The following LDLRAD2 variants were observed in gnomAD, a reference collection of about 807,000 sequenced individuals.
The protein encoded by LDLRAD2 is low-density lipoprotein receptor class A domain-containing protein 2.
In LDLRAD2, 25 loss-of-function variants were observed where a neutral mutation model predicts 24.9. The ratio of observed to expected loss-of-function variants is 1.00; its 90% CI spans 0.73 to 1.40. The LOEUF is 1.40. Ranked by LOEUF, LDLRAD2 falls within the 40% of genes most tolerant of loss-of-function variation. The probability of loss-of-function intolerance (pLI) is 0.00; values close to 1 mark genes in which losing one functional copy is unlikely to be tolerated. For missense variants in LDLRAD2, 391 were observed against 366.2 expected, an observed-to-expected ratio of 1.07 and a Z score of -0.55; for synonymous variants, 182 against 166.7, an observed-to-expected ratio of 1.09 and a Z score of -0.71.
At chr1:21,817,814 T>C (rs2097945426) in intron 3 of LDLRAD2, among the ~76,000 whole-genome samples, 2 of 152,156 alleles carry the variant, frequency 1.3e-5, no homozygotes, top group South Asian at 4.1e-4. Context: ...TTTTACCTCA[T>C]GTCCTTTTTC....
In LDLRAD2 at chr1:21,814,431, AGG is replaced by A; in HGVS notation, c.123_124del (p.Asp42ArgfsTer150). 1.9e-6 allele frequency: 3 copies of A among 1,608,620 alleles called. No homozygotes were observed. The highest frequency in any genetic ancestry group is 2.5e-6 in the Non-Finnish European group (3 of 1,177,568). The stretch of plus-strand genomic sequence containing the variant: ...GCGGAACTGTGCGGGCAGACGTGGC[AGG>A]GGGACGGGCTGCTGCTGCGCTCGCA... On this transcript the variant is annotated frameshift_variant, in exon 2 of 5. Coordinates refer to ENST00000344642, the MANE Select transcript of LDLRAD2 (RefSeq NM_001013693.3). LOFTEE classifies it high-confidence loss of function.
intron 1 of LDLRAD2, among the ~76,000 whole-genome samples, chr1:21,813,876 CTTT>C (rs35652739): frequency 6.1e-5 from 9 of 147,980 alleles, no homozygotes; most frequent in Admixed American, 1.3e-4. Flanking sequence ...TCCCCCTCCC[CTTT>C]TTTTTTTTTG....
rs1414991630 is a variant in LDLRAD2 at position 21,821,351 on chromosome 1, G to A, written c.644-99G>A. 6 of 1,488,962 alleles carry A rather than the reference G, an allele frequency of 4.0e-6. No homozygotes were observed. In the East Asian group the frequency reaches 6.9e-5, roughly 17 times the overall value. The allele number at this position is 1,488,962 out of a possible 1,614,324, so 92.2% of individuals were successfully genotyped here. On this transcript the variant is annotated intron_variant, in intron 3 of 4. Coordinates refer to ENST00000344642, the MANE Select transcript of LDLRAD2 (RefSeq NM_001013693.3). Reference sequence around the variant, plus strand: ...CCTCTCTGTAAAATGGAAACACAGAGTGACAAACTCAGGGAAGTCTTGTGA... The same window carrying A: ...CCTCTCTGTAAAATGGAAACACAGAATGACAAACTCAGGGAAGTCTTGTGA...
Position 21,824,796 on chromosome 1 carries a change from G to A in LDLRAD2, c.*2581G>A, listed in dbSNP as rs1373210124. The A allele has an allele frequency of 5.6e-6, 9 of 1,606,102 alleles. No homozygotes were observed. The highest frequency in any genetic ancestry group is 7.7e-6 in the Non-Finnish European group (9 of 1,175,746). On this transcript the variant is annotated 3_prime_UTR_variant, in exon 5 of 5. Coordinates refer to ENST00000344642, the MANE Select transcript of LDLRAD2 (RefSeq NM_001013693.3). This position sits in a 1 kb window ranked among gnomAD's most constrained non-coding sequence, Gnocchi z 5.9. ...CAGGGGCATCTGTGGGAGAGAGGAG[G>A]GTGGTGCCATACCTGCTGCATCAGG...
At chr1:21,817,386 A>G (rs535659268) in intron 3 of LDLRAD2, among the ~76,000 whole-genome samples, 1 of 152,182 alleles carries the variant, frequency 6.6e-6, no homozygotes, top group East Asian at 1.9e-4. Context: ...TCTGTTATCC[A>G]GGCTGGAGTG....
chr1:21,821,986 A>C (rs1221785449), intron 4 of LDLRAD2: 2 of 1,424,960 alleles, frequency 1.4e-6, no homozygotes, highest in Admixed American at 5.7e-5. Flanking sequence ...GCACATGGGA[A>C]TGATACTAGG....
chr1:21,819,914 G>C (rs755987595), intron 3 of LDLRAD2, among the ~76,000 whole-genome samples: 30 of 152,218 alleles, frequency 2.0e-4, no homozygotes, highest in Non-Finnish European at 3.2e-4. Context: ...AATCTTGGCA[G>C]AAGGCGAGGG....
intron 3 of LDLRAD2, among the ~76,000 whole-genome samples, chr1:21,820,052 C>G (rs1225458647): frequency 6.6e-6 from 1 of 152,188 alleles, no homozygotes; most frequent in Non-Finnish European, 1.5e-5. Flanking sequence ...CTAAACTATT[C>G]ATGAGAAATC....
At chr1:21,818,233 A>C (rs961997096) in intron 3 of LDLRAD2, among the ~76,000 whole-genome samples, 3 of 148,210 alleles carry the variant, frequency 2.0e-5, no homozygotes, top group South Asian at 2.2e-4. Flanking sequence ...GCTGGTCTCA[A>C]ACTCCTGACC....
At position 21,823,191 on chromosome 1, in the gene LDLRAD2, C is replaced by A; in HGVS notation, c.*976C>A. The A allele has an allele frequency of 2.1e-6, 2 of 943,408 alleles. No homozygotes were observed. The highest frequency in any genetic ancestry group is 3.0e-6 in the Non-Finnish European group (2 of 672,806). 58.4% of individuals were successfully genotyped at this position (943,408 alleles called of 1,614,324 possible). A position where few individuals can be genotyped will look rare whatever the true frequency, so the allele number is the denominator to read the frequency against. Reference sequence around the variant, plus strand: ...TGCCCACCTCCAGTCCAGCCCAGGGCGGTAGCAGCAAAGCGTGGCATCGCC... The same window carrying A: ...TGCCCACCTCCAGTCCAGCCCAGGGAGGTAGCAGCAAAGCGTGGCATCGCC... On this transcript the variant is annotated 3_prime_UTR_variant, in exon 5 of 5. Coordinates refer to ENST00000344642, the MANE Select transcript of LDLRAD2 (RefSeq NM_001013693.3).
At chr1:21,821,246 A>C (rs72662414) in intron 3 of LDLRAD2, among the ~76,000 whole-genome samples, 1,688 of 152,308 alleles carry the variant, frequency 0.011, 11 homozygotes, top group Non-Finnish European at 0.019. Context: ...CTCCACTCAT[A>C]GACCTTAGGC....
intron 3 of LDLRAD2, among the ~76,000 whole-genome samples, chr1:21,818,626 G>A (rs957510099): frequency 2.0e-5 from 3 of 152,088 alleles, no homozygotes; most frequent in African/African-American, 7.2e-5. Context: ...TTTCTCCACC[G>A]TTACTTTTGG....
chr1:21,821,359 C>T, intron 3 of LDLRAD2, 91 bp from the exon 4 acceptor site: 1 of 1,522,360 alleles, frequency 6.6e-7, no homozygotes, highest in African/African-American at 1.4e-5. Flanking sequence ...GAGTGACAAA[C>T]TCAGGGAAGT....
Position 21,823,806 on chromosome 1 carries a change from G to A in LDLRAD2, c.*1591G>A. ...CAGAGTCCCCTCCCTCTGATATCGA[G>A]ACTCCAGACTCAGAAGTCTGTCCCT... is the stretch of plus-strand genomic sequence containing the variant. On this transcript the variant is annotated 3_prime_UTR_variant, in exon 5 of 5. Coordinates refer to ENST00000344642, the MANE Select transcript of LDLRAD2 (RefSeq NM_001013693.3). 1 of 996,294 alleles carries A rather than the reference G, an allele frequency of 1.0e-6. No individual in the cohort carries two copies. The highest frequency in any genetic ancestry group is 1.6e-6 in the Non-Finnish European group (1 of 633,858). 61.7% of individuals were successfully genotyped at this position (996,294 alleles called of 1,614,324 possible).
chr1:21,823,928 G>A lies in LDLRAD2; in HGVS notation c.*1713G>A. The A allele has an allele frequency of 1.4e-6, 1 of 737,502 alleles. No homozygotes were observed. Among genetic ancestry groups the A allele is most frequent in the Non-Finnish European group, 2.3e-6 (1 of 431,366 alleles). 45.7% of individuals were successfully genotyped at this position (737,502 alleles called of 1,614,324 possible). ...CACCCAGGTTTCCTCCCACTCCTGGGGCACTCGCCTGCCCCCAGCGGAGTT... is the reference window on the plus strand; with the variant it reads ...CACCCAGGTTTCCTCCCACTCCTGGAGCACTCGCCTGCCCCCAGCGGAGTT... On this transcript the variant is annotated 3_prime_UTR_variant, in exon 5 of 5. Transcript: ENST00000344642.
chr1:21,814,616 G>GC lies in LDLRAD2; in HGVS notation c.308dup (p.Ala104GlyfsTer89), dbSNP rs758209116. ...CCCGGCGCTCAACACCTCCTCCCCG[G>GC]CCCCGGCCGACCCGTGCGCCCCCGG... On this transcript the variant is annotated frameshift_variant, in exon 2 of 5. Transcript: ENST00000344642. LOFTEE classifies it high-confidence loss of function. 1 of 1,609,564 alleles carries GC rather than the reference G, an allele frequency of 6.2e-7. No individual in the cohort carries two copies. Among genetic ancestry groups the GC allele is most frequent in the Non-Finnish European group, 8.5e-7 (1 of 1,178,180 alleles).
chr1:21,822,065 C>A, intron 4 of LDLRAD2, 137 bp from the exon 5 acceptor site: 1 of 1,533,980 alleles, frequency 6.5e-7, no homozygotes. Context: ...GCCCCCTAAC[C>A]CTCTGAGACT....
Position 21,821,480 on chromosome 1 carries a change from G to A in LDLRAD2, c.674G>A (p.Ser225Asn), listed in dbSNP as rs770249542. 2 of 1,614,144 alleles carry A rather than the reference G, an allele frequency of 1.2e-6. No individual in the cohort carries two copies. The highest frequency in any genetic ancestry group is 1.7e-6 in the Non-Finnish European group (2 of 1,180,012). The part of the protein sequence containing the change: ...GPSPVPSQTG[S>N]TDAHTSRSLT... ...TCTCCGGTGCCCAGCCAGACAGGAA[G>A]TACAGATGCCCATACCTCCAGATCC... Residue 225 changes from serine (S) to asparagine (N), a missense_variant, in exon 4 of 5, where the codon AGT becomes AAT. Coordinates refer to ENST00000344642, the MANE Select transcript of LDLRAD2 (RefSeq NM_001013693.3).
chr1:21,814,437 A>G lies in LDLRAD2; in HGVS notation c.125A>G (p.Asp42Gly). 1.2e-6 allele frequency: 2 copies of G among 1,608,336 alleles called. No homozygotes were observed. The highest frequency in any genetic ancestry group is 1.1e-5 in the South Asian group (1 of 90,744). ...AELCGQTWQG[D>G]GLLLRSHAAS... ...CTGTGCGGGCAGACGTGGCAGGGGG[A>G]CGGGCTGCTGCTGCGCTCGCACGCC... The change falls in exon 2 of 5, where the codon GAC (aspartate) becomes GGC (glycine). Residue 42 changes from aspartate to glycine, a missense_variant. Transcript: ENST00000344642.
Sources: gnomAD v4.1 joint callset for allele counts (sites outside exome capture counted in the v4.1 genomes callset) on GRCh38, gnomAD v4.1.1 for gene constraint, Gnocchi (gnomAD v3.1) non-coding constraint, MANE v1.5 for transcripts, NCBI Gene and HGNC (gene_info 2026-07-23, HGNC 2026-07-21) for gene names.